Variants in CPLX4 observed in about 807,000 individuals in gnomAD.
CPLX4 encodes complexin 4.
Under a neutral mutation model 16.1 loss-of-function variants are expected in CPLX4, and 17 were observed. The observed-to-expected ratio is 1.06, with a 90% confidence interval of 0.72 to 1.59. The LOEUF (loss-of-function observed/expected upper bound fraction) is 1.59, where lower values mean the gene tolerates loss of function less well. Among genes scored for constraint, CPLX4 ranks in the 40% most tolerant of loss-of-function variants. The pLI, the probability that CPLX4 is intolerant of heterozygous loss-of-function variation, is 0.00. For missense variants in CPLX4, 193 were observed against 192.9 expected (o/e 1.00, Z 0.00); for synonymous variants, 55 against 57.8 (o/e 0.95, Z 0.22).
intron 2 of CPLX4, among the ~76,000 whole-genome samples, chr18:59,310,651 G>C (rs2070610295): frequency 6.6e-6 from 1 of 152,042 alleles, no homozygotes; most frequent in African/African-American, 2.4e-5. Context: ...AATAATAAGA[G>C]CTCTATTGTC....
At position 59,295,914 on chromosome 18, in the gene CPLX4, C is replaced by T. The variant is rs1307833959; in HGVS notation, c.*784G>A. 2 of 152,142 alleles carry T rather than the reference C, an allele frequency of 1.3e-5. No homozygotes were observed. Among genetic ancestry groups the T allele is most frequent in the Non-Finnish European group, 2.9e-5 (2 of 68,030 alleles). The allele number at this position is 152,142 out of a possible 1,614,324, so 9.4% of individuals were successfully genotyped here. On this transcript the variant is annotated 3_prime_UTR_variant, in exon 3 of 3. Coordinates refer to ENST00000299721, the MANE Select transcript of CPLX4 (RefSeq NM_181654.4). ...CTCTGTTAGTCTACCCACTTTGTTC[C>T]CATTGCTATCACCAAGTTCAGACAA...
At chr18:59,304,464 T>C (rs2070562231) in intron 2 of CPLX4, among the ~76,000 whole-genome samples, 1 of 152,254 alleles carries the variant, frequency 6.6e-6, no homozygotes, top group Non-Finnish European at 1.5e-5. Context: ...TATACAAAAC[T>C]ACAATATCCA....
chr18:59,304,962 T>C (rs1326006003), intron 2 of CPLX4, among the ~76,000 whole-genome samples: 1 of 148,556 alleles, frequency 6.7e-6, no homozygotes, highest in East Asian at 1.9e-4. Flanking sequence ...TGTGTGTGTG[T>C]GTGTGCAATT....
chr18:59,307,171 T>C (rs2070582281), intron 2 of CPLX4, among the ~76,000 whole-genome samples: 2 of 152,236 alleles, frequency 1.3e-5, no homozygotes, highest in Non-Finnish European at 2.9e-5. Context: ...GTAAGGAGGC[T>C]TGAGTCTCCA....
At chr18:59,300,312 A>G (rs367650064) in intron 2 of CPLX4, among the ~76,000 whole-genome samples, 22 of 152,342 alleles carry the variant, frequency 1.4e-4, no homozygotes, top group African/African-American at 5.3e-4. Context: ...CAGCCCGGGC[A>G]AAAGAGAGAG....
At chr18:59,299,061 A>C (rs1468177228) in intron 2 of CPLX4, among the ~76,000 whole-genome samples, 1 of 152,246 alleles carries the variant, frequency 6.6e-6, no homozygotes, top group African/African-American at 2.4e-5. Context: ...GCTCTTGGCC[A>C]GGGCCTTGGG....
At chr18:59,310,098 G>C (rs1220544699) in intron 2 of CPLX4, among the ~76,000 whole-genome samples, 4 of 152,078 alleles carry the variant, frequency 2.6e-5, no homozygotes, top group Admixed American at 2.6e-4. Flanking sequence ...AGAAAATCAG[G>C]TGGGGTCTCA....
chr18:59,304,888 T>A (rs58305961), intron 2 of CPLX4, among the ~76,000 whole-genome samples: 3,744 of 152,016 alleles, frequency 0.025, 131 homozygotes, highest in African/African-American at 0.075. Flanking sequence ...TTCTTTCTTT[T>A]CTTTTTCCCC....
chr18:59,299,884 A>T (rs1238516837), intron 2 of CPLX4, among the ~76,000 whole-genome samples: 1 of 152,218 alleles, frequency 6.6e-6, no homozygotes, highest in East Asian at 1.9e-4. Context: ...GGGCCTCGCA[A>T]TCTGTGATTT....
At chr18:59,317,794 C>T (rs1235266597) in intron 1 of CPLX4, among the ~76,000 whole-genome samples, 1 of 149,594 alleles carries the variant, frequency 6.7e-6, no homozygotes, top group African/African-American at 2.5e-5. Context: ...AGTCTTATGA[C>T]ATAATTGTCA....
intron 2 of CPLX4, among the ~76,000 whole-genome samples, chr18:59,304,172 A>T (rs560354753): frequency 6.6e-6 from 1 of 152,368 alleles, no homozygotes; most frequent in Admixed American, 6.5e-5. Flanking sequence ...AATACGGCAG[A>T]CAAACACCAG....
chr18:59,303,275 G>A (rs1288169674), intron 2 of CPLX4, among the ~76,000 whole-genome samples: 3 of 152,120 alleles, frequency 2.0e-5, no homozygotes, highest in Admixed American at 6.5e-5. Flanking sequence ...TTGAAGAATA[G>A]GCATCAGTTT....
rs2070500860 is a variant in CPLX4 at position 59,296,396 on chromosome 18, T to C, written c.*302A>G. On this transcript the variant is annotated 3_prime_UTR_variant, in exon 3 of 3. Transcript: ENST00000299721. ...TTGGAGAGGAAATGCCCCTTGCTTT[T>C]GTTTCTTCCTGGCTCATCTCAAGGT... The C allele has an allele frequency of 5.4e-6, 2 of 369,052 alleles. No individual in the cohort carries two copies. Among genetic ancestry groups the C allele is most frequent in the Non-Finnish European group, 9.7e-6 (2 of 205,508 alleles). 22.9% of individuals were successfully genotyped at this position (369,052 alleles called of 1,614,324 possible).
In CPLX4 at chr18:59,318,629, G is replaced by C; in HGVS notation, c.-167C>G. 1.6e-6 allele frequency: 2 copies of C among 1,283,462 alleles called. No homozygotes were observed. Among genetic ancestry groups the C allele is most frequent in the South Asian group, 3.7e-5 (2 of 54,172 alleles). 79.5% of individuals were successfully genotyped at this position (1,283,462 alleles called of 1,614,324 possible). A position where few individuals can be genotyped will look rare whatever the true frequency, so the allele number is the denominator to read the frequency against. ...TTCAAGGGCATACTGATAGAGAAGA[G>C]TGGTTTGTCGGCCGTAAGCTGGATT... is the stretch of plus-strand genomic sequence containing the variant. On this transcript the variant is annotated 5_prime_UTR_variant, in exon 1 of 3. Transcript: ENST00000299721.
chr18:59,296,937 AT>A lies in CPLX4; in HGVS notation c.256-13del. ...TCATCCATTTCACTCTATGTGAAAA[AT>A]AAATAGAGATAGATAAATAACTCTA... On this transcript the variant is annotated splice_polypyrimidine_tract_variant and intron_variant, in intron 2 of 2. Coordinates refer to ENST00000299721, the MANE Select transcript of CPLX4 (RefSeq NM_181654.4). The A allele has an allele frequency of 6.3e-7, 1 of 1,596,834 alleles. No individual in the cohort carries two copies. Among genetic ancestry groups the A allele is most frequent in the Non-Finnish European group, 8.5e-7 (1 of 1,176,392 alleles).
chr18:59,302,365 C>T (rs1275097982), intron 2 of CPLX4, among the ~76,000 whole-genome samples: 1 of 152,204 alleles, frequency 6.6e-6, no homozygotes, highest in Non-Finnish European at 1.5e-5. Context: ...AGCATCACTA[C>T]AGGCCGGAAG....
intron 2 of CPLX4, among the ~76,000 whole-genome samples, chr18:59,305,561 G>T (rs1281560989): frequency 6.6e-6 from 1 of 152,212 alleles, no homozygotes; most frequent in Non-Finnish European, 1.5e-5. Flanking sequence ...CTGGTAGCCA[G>T]CCTGGGAGAT....
chr18:59,313,541 C>A (rs970054296), intron 1 of CPLX4, among the ~76,000 whole-genome samples: 1 of 152,202 alleles, frequency 6.6e-6, no homozygotes, highest in African/African-American at 2.4e-5. Flanking sequence ...CACCACCACC[C>A]GTCCCTGCTG....
rs1226070470 is a variant in CPLX4 at position 59,318,370 on chromosome 18, T to C, written c.93A>G (p.Ala31=). 1 of 1,613,982 alleles carries C rather than the reference T, an allele frequency of 6.2e-7. No homozygotes were observed. The highest frequency in any genetic ancestry group is 1.7e-5 in the Admixed American group (1 of 60,008). The change falls in exon 1 of 3, where the codon GCA becomes GCG. Residue 31 remains alanine (A), a synonymous_variant. Transcript: ENST00000299721. ...TCCCTTGAGCTGCTGCAGGATCAGATGCACCTCCTTCTTCTTTATTTTCTT... is the reference window on the plus strand; with the variant it reads ...TCCCTTGAGCTGCTGCAGGATCAGACGCACCTCCTTCTTCTTTATTTTCTT... The part of the protein sequence containing the change: ...GSEENKEEGG[A]SDPAAAQGMT...
Sources: gnomAD v4.1 joint callset for allele counts (sites outside exome capture counted in the v4.1 genomes callset) on GRCh38, gnomAD v4.1.1 for gene constraint, MANE v1.5 for transcripts, NCBI Gene and HGNC (gene_info 2026-07-23, HGNC 2026-07-21) for gene names.